MAP3K9: variants seen among roughly 807,000 people sequenced by gnomAD.
MAP3K9 encodes the protein mitogen-activated protein kinase kinase kinase 9.
Under a neutral mutation model 95.8 loss-of-function variants are expected in MAP3K9, and 46 were observed. The ratio of observed to expected loss-of-function variants is 0.48; its 90% confidence interval spans 0.38 to 0.61. The LOEUF (loss-of-function observed/expected upper bound fraction) is 0.61. MAP3K9 is among the 20% of genes least tolerant of loss of function. The pLI is 0.00. For synonymous variants in MAP3K9, 533 were observed against 593.8 expected, an observed-to-expected ratio of 0.90 and a Z score of 1.49; for missense variants, 1,296 against 1,474.3, an observed-to-expected ratio of 0.88 and a Z score of 1.98.
chr14:70,795,510 T>C (rs1431418918), intron 2 of MAP3K9, among the ~76,000 whole-genome samples: 3 of 146,082 alleles, frequency 2.1e-5, no homozygotes, highest in Non-Finnish European at 4.5e-5. Flanking sequence ...TGGGATTTTG[T>C]TGTGTTGCCT....
At chr14:70,764,939 T>A (rs2054429561) in intron 2 of MAP3K9, among the ~76,000 whole-genome samples, 1 of 152,226 alleles carries the variant, frequency 6.6e-6, no homozygotes, top group Non-Finnish European at 1.5e-5. Context: ...GTGTTTATGT[T>A]AAGCTCCATT....
Position 70,738,287 on chromosome 14 carries a change from G to A in MAP3K9, c.1802C>T (p.Pro601Leu), listed in dbSNP as rs1160498676. 1.2e-6 allele frequency: 2 copies of A among 1,612,998 alleles called. No individual in the cohort carries two copies. The highest frequency in any genetic ancestry group is 1.7e-6 in the Non-Finnish European group (2 of 1,179,610). ...APKKKGRTWG[P>L]GTLGQKELAS... Reference sequence around the variant, plus strand: ...AAGCTCCTTCTGACCAAGCGTCCCTGGCCCCCACGTCCGTCCCTTCTTCTT... The same window carrying A: ...AAGCTCCTTCTGACCAAGCGTCCCTAGCCCCCACGTCCGTCCCTTCTTCTT... Residue 601 changes from proline (P) to leucine (L), a missense_variant, in exon 8 of 12, where the codon CCA becomes CTA. By Grantham distance (98) the Pro-to-Leu change is moderately conservative. Around this residue, in one of 5 missense-constraint regions of MAP3K9, gnomAD observed 377 missense variants for 417.1 expected, o/e 0.90. Transcript: ENST00000554752.
chr14:70,787,068 A>G (rs572196479), intron 2 of MAP3K9, among the ~76,000 whole-genome samples: 1 of 152,300 alleles, frequency 6.6e-6, no homozygotes, highest in Middle Eastern at 3.4e-3. Context: ...AGCCAAATAT[A>G]AAGATGAAAA....
chr14:70,731,518 C>T (rs56118372), intron 11 of MAP3K9, among the ~76,000 whole-genome samples: 1,868 of 152,328 alleles, frequency 0.012, 23 homozygotes, highest in Middle Eastern at 0.031. Flanking sequence ...TTTCCCACTA[C>T]GGCAGCGTAG....
intron 8 of MAP3K9, among the ~76,000 whole-genome samples, chr14:70,737,205 T>A (rs1033975594): frequency 3.3e-5 from 5 of 152,184 alleles, no homozygotes; most frequent in Admixed American, 2.0e-4. Flanking sequence ...TAAAATTGCA[T>A]GAGAAGCAGG....
chr14:70,754,890 C>G (rs907024198), intron 3 of MAP3K9, among the ~76,000 whole-genome samples: 4 of 152,300 alleles, frequency 2.6e-5, no homozygotes, highest in Admixed American at 6.5e-5. Flanking sequence ...GCTCTACCCA[C>G]ACAGCGCAAA....
At chr14:70,766,923 T>A (rs142716703) in intron 2 of MAP3K9, among the ~76,000 whole-genome samples, 1 of 152,346 alleles carries the variant, frequency 6.6e-6, no homozygotes, top group African/African-American at 2.4e-5. Flanking sequence ...AATCTAACAC[T>A]ATATGCACTT....
At chr14:70,739,632 T>C (rs766295659) in intron 7 of MAP3K9, among the ~76,000 whole-genome samples, 6 of 151,864 alleles carry the variant, frequency 4.0e-5, no homozygotes, top group Admixed American at 3.3e-4. Flanking sequence ...CCTTAGGACC[T>C]ATACTTTGAA....
At chr14:70,756,360 G>A (rs1212518059) in intron 3 of MAP3K9, among the ~76,000 whole-genome samples, 1 of 152,156 alleles carries the variant, frequency 6.6e-6, no homozygotes, top group Non-Finnish European at 1.5e-5. Flanking sequence ...GGGAATACTG[G>A]AGGTAGAAAA....
intron 2 of MAP3K9, among the ~76,000 whole-genome samples, chr14:70,781,091 T>TGTGTCCTC (rs1253880076): frequency 6.6e-6 from 1 of 152,252 alleles, no homozygotes; most frequent in Non-Finnish European, 1.5e-5. Flanking sequence ...GAGGTGGGTC[T>TGTGTCCTC]GTGTCCTCTC....
intron 2 of MAP3K9, among the ~76,000 whole-genome samples, chr14:70,787,645 T>C (rs1168218065): frequency 3.3e-5 from 5 of 151,982 alleles, no homozygotes; most frequent in Admixed American, 2.0e-4. Context: ...AAGACACACA[T>C]TGGGCTTCTG....
chr14:70,733,394 A>G lies in MAP3K9; in HGVS notation c.2027-52T>C. On this transcript the variant is annotated intron_variant, in intron 10 of 11. Transcript: ENST00000554752. ...AAACAGGAAATGGAAATGAGGTGGC[A>G]GGAATAAGAATCTGGCCCTTTCCCC... 4 of 817,550 alleles carry G rather than the reference A, an allele frequency of 4.9e-6. No homozygotes were observed. In the South Asian group the frequency reaches 7.3e-5, roughly 15 times the overall value. The allele number at this position is 817,550 out of a possible 1,614,324, so 50.6% of individuals were successfully genotyped here.
In MAP3K9 at chr14:70,809,460, T is replaced by A; in HGVS notation, c.-289A>T. 2 of 221,840 alleles carry A rather than the reference T, an allele frequency of 9.0e-6. No individual in the cohort carries two copies. The highest frequency in any genetic ancestry group is 2.3e-5 in the African/African-American group (1 of 43,296). The allele number at this position is 221,840 out of a possible 1,614,324, so 13.7% of individuals were successfully genotyped here. ...CCTCGTCACCTCTGCCGCCGGTACC[T>A]GCTCGCGCAGCCGGTGCCCGCCGCT... On this transcript the variant is annotated 5_prime_UTR_variant, in exon 1 of 12. Coordinates refer to ENST00000554752, the MANE Select transcript of MAP3K9 (RefSeq NM_001284230.2).
chr14:70,755,648 C>T (rs1205787421), intron 3 of MAP3K9, among the ~76,000 whole-genome samples: 3 of 152,178 alleles, frequency 2.0e-5, no homozygotes, highest in African/African-American at 7.2e-5. Flanking sequence ...ACACATTTTC[C>T]TCTGCTAAAG....
chr14:70,723,346 A>G lies in MAP3K9; in HGVS notation c.*7034T>C, dbSNP rs1250721102. The G allele has an allele frequency of 1.3e-5, 2 of 152,318 alleles. No individual in the cohort carries two copies. The highest frequency in any genetic ancestry group is 6.5e-5 in the Admixed American group (1 of 15,292). 9.4% of individuals were successfully genotyped at this position (152,318 alleles called of 1,614,324 possible). A position where few individuals can be genotyped will look rare whatever the true frequency, so the allele number is the denominator to read the frequency against. ...GAAGAGCTACAGAATTGACATGTCC[A>G]GCTCCTGTGTGCTTCAAACCCCTGG... On this transcript the variant is annotated 3_prime_UTR_variant, in exon 12 of 12. Transcript: ENST00000554752.
chr14:70,780,705 C>T (rs1009087684), intron 2 of MAP3K9, among the ~76,000 whole-genome samples: 1 of 152,210 alleles, frequency 6.6e-6, no homozygotes, highest in Non-Finnish European at 1.5e-5. Flanking sequence ...TTTTGTGCAG[C>T]CACTTTCCTT....
intron 5 of MAP3K9, among the ~76,000 whole-genome samples, chr14:70,745,878 T>TA (rs2054140111): frequency 6.6e-6 from 1 of 152,062 alleles, no homozygotes; most frequent in Non-Finnish European, 1.5e-5. Flanking sequence ...TAATAGGAGA[T>TA]AGAGTGCAAT....
intron 2 of MAP3K9, among the ~76,000 whole-genome samples, chr14:70,773,614 T>C (rs775278545): frequency 6.6e-6 from 1 of 152,228 alleles, no homozygotes; most frequent in Non-Finnish European, 1.5e-5. Flanking sequence ...AGGTGCTTTC[T>C]GTAACCTGTC....
At position 70,727,081 on chromosome 14, in the gene MAP3K9, C is replaced by T. The variant is rs995735579; in HGVS notation, c.*3299G>A. ...TGAATTTTCATCTTTAAGCATTTCC[C>T]CTTCTCTACTAGCAAGGGTATCAAA... is the stretch of plus-strand genomic sequence containing the variant. On this transcript the variant is annotated 3_prime_UTR_variant, in exon 12 of 12. Transcript: ENST00000554752. The T allele has an allele frequency of 1.1e-4, 16 of 152,192 alleles. No homozygotes were observed. Among genetic ancestry groups the T allele is most frequent in the Admixed American group, 1.0e-3 (16 of 15,282 alleles). 9.4% of individuals were successfully genotyped at this position (152,192 alleles called of 1,614,324 possible). A position where few individuals can be genotyped will look rare whatever the true frequency, so the allele number is the denominator to read the frequency against.
Sources: allele counts gnomAD v4.1 joint callset (sites outside exome capture counted in the v4.1 genomes callset), GRCh38; gene constraint gnomAD v4.1.1; regional missense constraint gnomAD v4.1.1; transcripts MANE v1.5; gene names NCBI Gene and HGNC (gene_info 2026-07-23, HGNC 2026-07-21).